Variants in RBFOX1 observed in about 807,000 individuals in gnomAD.
The protein encoded by RBFOX1 is RNA binding protein fox-1 homolog 1.
Under a neutral mutation model 57.7 loss-of-function variants are expected in RBFOX1, and 8 were observed. The ratio of observed to expected loss-of-function variants is 0.14; its 90% CI spans 0.08 to 0.25. RBFOX1 has a LOEUF of 0.25. RBFOX1 is among the 10% of genes least tolerant of loss of function. The pLI is 1.00. For missense variants in RBFOX1, 611 were observed against 548.5 expected (o/e 1.11, Z -1.14); for synonymous variants, 326 against 222.4 (o/e 1.47, Z -4.15).
intron 3 of RBFOX1, among the ~76,000 whole-genome samples, chr16:5,817,408 C>A (rs1042728535): frequency 6.6e-6 from 1 of 152,154 alleles, no homozygotes; most frequent in African/African-American, 2.4e-5. Context: ...CAGGTAGTTG[C>A]ATTTTTACAG....
intron 3 of RBFOX1, among the ~76,000 whole-genome samples, chr16:5,772,254 G>A (rs1485638762): frequency 6.6e-6 from 1 of 152,172 alleles, no homozygotes; most frequent in Non-Finnish European, 1.5e-5. Flanking sequence ...CGGAAGAAGA[G>A]CATCCACAAT....
chr16:7,410,092 G>C (rs2098408114), intron 4 of RBFOX1, among the ~76,000 whole-genome samples: 1 of 152,180 alleles, frequency 6.6e-6, no homozygotes, highest in South Asian at 2.1e-4. Context: ...GATAGTAGTA[G>C]ATTGAACATA....
At chr16:7,680,077 A>G (rs539968657) in intron 14 of RBFOX1, among the ~76,000 whole-genome samples, 1 of 152,290 alleles carries the variant, frequency 6.6e-6, no homozygotes, top group South Asian at 2.1e-4. Flanking sequence ...GCCTTTGGTC[A>G]TCCGGTCATT....
chr16:7,366,173 C>G (rs913228885), intron 4 of RBFOX1, among the ~76,000 whole-genome samples: 2 of 152,180 alleles, frequency 1.3e-5, no homozygotes, highest in Admixed American at 6.5e-5. Flanking sequence ...CCCAGCAAGA[C>G]CAGGATGATT....
Position 5,454,748 on chromosome 16 carries a change from T to TCTTTTCTTTCTTTC in RBFOX1, c.220-12459_220-12458insCTTTCCTTTTCTTT, listed in dbSNP as rs1486882246. Among the ~76,000 whole-genome samples, 94 of 109,486 alleles carry TCTTTTCTTTCTTTC rather than the reference T, an allele frequency of 8.6e-4. 4 individuals carry two copies. Among genetic ancestry groups the TCTTTTCTTTCTTTC allele is most frequent in the African/African-American group, 2.6e-3 (69 of 26,332 alleles). The allele number at this position is 109,486 out of a possible 152,430, so 71.8% of individuals were successfully genotyped here. A position where few individuals can be genotyped will look rare whatever the true frequency, so the allele number is the denominator to read the frequency against. On this transcript the variant is annotated intron_variant, in intron 1 of 2. Transcript: ENST00000585867. ...ATCTCTCTCTTTCTTTCTTTCTTTTTCTTTTCTTTTCTTTCTTTCTCTTTC... is the reference window on the plus strand; with the variant it reads ...ATCTCTCTCTTTCTTTCTTTCTTTTTCTTTTCTTTCTTTCCTTTTCTTTTCTTTCTTTCTCTTTC...
At chr16:6,534,333 C>G (rs936874769) in intron 2 of RBFOX1, among the ~76,000 whole-genome samples, 2 of 151,986 alleles carry the variant, frequency 1.3e-5, no homozygotes, top group African/African-American at 4.8e-5. Flanking sequence ...ACCAAAGAGT[C>G]CATGCTTTAT....
Position 7,587,231 on chromosome 16 carries a change from T to C in RBFOX1, c.415-16T>C, listed in dbSNP as rs758874318. 5 of 1,542,156 alleles carry C rather than the reference T, an allele frequency of 3.2e-6. No homozygotes were observed. The highest frequency in any genetic ancestry group is 4.4e-6 in the Non-Finnish European group (5 of 1,142,886). On this transcript the variant is annotated splice_polypyrimidine_tract_variant and intron_variant, in intron 6 of 15. Transcript: ENST00000550418. ...ATTTCTCTTCTTGCTTATAAGATATTTCTATTTCTTTGCAGCAATTTGGTA... is the reference window on the plus strand; with the variant it reads ...ATTTCTCTTCTTGCTTATAAGATATCTCTATTTCTTTGCAGCAATTTGGTA...
chr16:5,316,513 G>A (rs1567324344), intron 1 of RBFOX1, among the ~76,000 whole-genome samples: 3 of 152,140 alleles, frequency 2.0e-5, no homozygotes, highest in Non-Finnish European at 2.9e-5. Flanking sequence ...AACGATAAAC[G>A]TGCTTGATTT....
chr16:6,962,593 G>A (rs981489033), intron 3 of RBFOX1, among the ~76,000 whole-genome samples: 7 of 152,140 alleles, frequency 4.6e-5, no homozygotes, highest in African/African-American at 1.7e-4. Flanking sequence ...GGAGCCAGGA[G>A]CTCATGCCTA....
At chr16:7,205,570 C>T (rs1056898271) in intron 4 of RBFOX1, among the ~76,000 whole-genome samples, 4 of 151,866 alleles carry the variant, frequency 2.6e-5, no homozygotes, top group African/African-American at 9.7e-5. Context: ...AAACATGAAC[C>T]TTTCAGTAGA....
At chr16:6,651,160 C>T (rs761948376) in intron 2 of RBFOX1, among the ~76,000 whole-genome samples, 6 of 152,182 alleles carry the variant, frequency 3.9e-5, no homozygotes, top group Non-Finnish European at 7.3e-5. Context: ...CCTCAGTCTC[C>T]CAGAGTGCTG....
chr16:5,631,686 C>G (rs12446006), intron 3 of RBFOX1, among the ~76,000 whole-genome samples: 2 of 152,092 alleles, frequency 1.3e-5, no homozygotes, highest in East Asian at 3.9e-4. Context: ...GCTACTTGAT[C>G]ATTGCCTTCC....
At chr16:5,866,725 C>A (rs989303841) in intron 3 of RBFOX1, among the ~76,000 whole-genome samples, 1 of 152,072 alleles carries the variant, frequency 6.6e-6, no homozygotes, top group African/African-American at 2.4e-5. Context: ...TTGTACAAAC[C>A]CCAATATTTT....
intron 2 of RBFOX1, among the ~76,000 whole-genome samples, chr16:5,492,183 CCCTGAACTA>C (rs2042857480): frequency 6.6e-6 from 1 of 152,178 alleles, no homozygotes; most frequent in Non-Finnish European, 1.5e-5. Flanking sequence ...AGTATAAGAA[CCCTGAACTA>C]CCTACTCCTC....
At chr16:5,622,480 G>C (rs750704536) in intron 3 of RBFOX1, among the ~76,000 whole-genome samples, 2 of 152,208 alleles carry the variant, frequency 1.3e-5, no homozygotes, top group Non-Finnish European at 2.9e-5. Context: ...GAATTACAGA[G>C]TTAGGTCATC....
intron 2 of RBFOX1, among the ~76,000 whole-genome samples, chr16:6,464,577 C>A (rs901694053): frequency 2.0e-5 from 3 of 152,144 alleles, no homozygotes; most frequent in African/African-American, 7.2e-5. Context: ...GACAATTATA[C>A]CTTTTAAATT....
intron 3 of RBFOX1, among the ~76,000 whole-genome samples, chr16:5,630,635 G>T (rs1223162700): frequency 1.3e-5 from 2 of 152,094 alleles, no homozygotes; most frequent in Non-Finnish European, 2.9e-5. Flanking sequence ...CCATTGATTG[G>T]TGGCAGTGCC....
chr16:7,004,883 C>T (rs995546051), intron 3 of RBFOX1, among the ~76,000 whole-genome samples: 2 of 152,140 alleles, frequency 1.3e-5, no homozygotes, highest in African/African-American at 4.8e-5. Context: ...GGTGAGGTGA[C>T]TCACACCTGT....
In RBFOX1 at chr16:6,661,616, G is replaced by C. The variant is rs574262889; in HGVS notation, c.-16+6966G>C. On this transcript the variant is annotated intron_variant, in intron 3 of 15. Transcript: ENST00000550418. ...AAAGTGAAAGTCAGCAGGGGAATAA[G>C]AACTGGGGTTGGAGCCCAGAGAAAG... Among the ~76,000 whole-genome samples the C allele has an allele frequency of 3.3e-5, 5 of 152,320 alleles. No homozygotes were observed. The East Asian group carries it at 9.7e-4, about 29-fold the overall frequency.
Sources: gnomAD v4.1 joint callset for allele counts (sites outside exome capture counted in the v4.1 genomes callset) on GRCh38, gnomAD v4.1.1 for gene constraint, MANE v1.5 for transcripts, NCBI Gene and HGNC (gene_info 2026-07-23, HGNC 2026-07-21) for gene names.